Variants in SLMAP observed in about 807,000 individuals in gnomAD.
SLMAP encodes the protein sarcolemmal membrane-associated protein.
Under a neutral mutation model 128.8 loss-of-function variants are expected in SLMAP, and 44 were observed. The ratio of observed to expected loss-of-function variants is 0.34; its 90% confidence interval spans 0.27 to 0.44. The LOEUF is 0.44. SLMAP is among the 20% of genes least tolerant of loss of function. The probability of loss-of-function intolerance (pLI) is 1.00; values close to 1 mark genes in which losing one functional copy is unlikely to be tolerated. For synonymous variants in SLMAP, 327 were observed against 348.8 expected (o/e 0.94, Z 0.70); for missense variants, 787 against 985.3 (o/e 0.80, Z 2.69).
At chr3:57,903,235 T>G (rs1184000926) in intron 17 of SLMAP, among the ~76,000 whole-genome samples, 1 of 152,194 alleles carries the variant, frequency 6.6e-6, no homozygotes, top group Admixed American at 6.5e-5. Flanking sequence ...GGCTGCTACC[T>G]TAAGCTATTT....
chr3:57,907,817 C>T, intron 17 of SLMAP, 67 bp from the exon 18 acceptor site: 6 of 1,444,478 alleles, frequency 4.2e-6, no homozygotes, highest in East Asian at 2.4e-5. Flanking sequence ...GAGAGATTAC[C>T]AGTCTTTTAT....
rs530591731 is a variant in SLMAP, at chr3:57,803,750, A to G, written c.199-27633A>G. 4.6e-5 allele frequency among the ~76,000 whole-genome samples: 7 copies of G among 152,294 alleles called. No homozygotes were observed. In the South Asian group the frequency reaches 8.3e-4, roughly 18 times the overall value. On this transcript the variant is annotated intron_variant, in intron 2 of 24. Transcript: ENST00000671191. ...TTTTCTTTTTGGGCCAGAGAGCTGC[A>G]TGCTTGCTCTGCTGTGTTTTGAATC...
At chr3:57,817,464 G>T (rs191129576) in intron 2 of SLMAP, among the ~76,000 whole-genome samples, 1 of 152,210 alleles carries the variant, frequency 6.6e-6, no homozygotes, top group Non-Finnish European at 1.5e-5. Flanking sequence ...GGTTGTAGAT[G>T]TTACAGTCAT....
At chr3:57,894,808 G>A (rs1003722467) in intron 15 of SLMAP, among the ~76,000 whole-genome samples, 2 of 152,160 alleles carry the variant, frequency 1.3e-5, no homozygotes, top group African/African-American at 2.4e-5. Flanking sequence ...ACATAATGCA[G>A]GCATGTATTA....
intron 3 of SLMAP, among the ~76,000 whole-genome samples, chr3:57,832,891 G>T (rs549986067): frequency 6.6e-6 from 1 of 152,242 alleles, no homozygotes; most frequent in East Asian, 1.9e-4. Flanking sequence ...TTTTGGTAAA[G>T]AATATTGACA....
intron 14 of SLMAP, among the ~76,000 whole-genome samples, chr3:57,883,815 G>A (rs964574134): frequency 6.6e-6 from 1 of 152,128 alleles, no homozygotes; most frequent in Non-Finnish European, 1.5e-5. Flanking sequence ...CTGTGGCTAA[G>A]GGGCACTTAA....
intron 14 of SLMAP, among the ~76,000 whole-genome samples, chr3:57,884,589 C>G (rs1000054794): frequency 6.6e-6 from 1 of 152,108 alleles, no homozygotes; most frequent in Non-Finnish European, 1.5e-5. Flanking sequence ...GGGCAGATTG[C>G]TTGAGCTCAG....
At chr3:57,908,699 G>A (rs1576204664) in intron 18 of SLMAP, among the ~76,000 whole-genome samples, 1 of 152,138 alleles carries the variant, frequency 6.6e-6, no homozygotes, top group Non-Finnish European at 1.5e-5. Context: ...TTGGTAAATA[G>A]CAATTATTTA....
intron 2 of SLMAP, among the ~76,000 whole-genome samples, chr3:57,829,385 C>T (rs2093175298): frequency 6.6e-6 from 1 of 151,842 alleles, no homozygotes; most frequent in African/African-American, 2.4e-5. Context: ...ATCATATAAT[C>T]CCCTTATTTA....
At position 57,843,053 on chromosome 3, in the gene SLMAP, A is replaced by G. The variant is rs530389133; in HGVS notation, c.419+1682A>G. Among the ~76,000 whole-genome samples the G allele has an allele frequency of 3.3e-5, 5 of 152,328 alleles. No homozygotes were observed. In the South Asian group the frequency reaches 1.0e-3, roughly 32 times the overall value. On this transcript the variant is annotated intron_variant, in intron 4 of 24. Transcript: ENST00000671191. ...TAAAGAACTTGGCATAGTACTTGGC[A>G]TATAATAAGCACACAATAAACTTTA...
At chr3:57,905,929 G>C (rs1487212900) in intron 17 of SLMAP, among the ~76,000 whole-genome samples, 1 of 151,824 alleles carries the variant, frequency 6.6e-6, no homozygotes, top group Non-Finnish European at 1.5e-5. Flanking sequence ...TAGTGCTGAG[G>C]TTGAAAAACT....
Position 57,893,068 on chromosome 3 carries a change from C to CAG in SLMAP, c.1360+2968_1360+2969insAG, listed in dbSNP as rs1366690901. Among the ~76,000 whole-genome samples the CAG allele has an allele frequency of 8.2e-4, 125 of 151,910 alleles. 4 individuals carry two copies. The East Asian group carries it at 0.014, about 18-fold the overall frequency. On this transcript the variant is annotated intron_variant, in intron 15 of 24. Transcript: ENST00000671191. Reference sequence around the variant, plus strand: ...CAGGATGGTCTCGATCTCCTGACCTCTTGATCCGCCCGCCTCGGCCTCCCA... The same window carrying CAG: ...CAGGATGGTCTCGATCTCCTGACCTCAGTTGATCCGCCCGCCTCGGCCTCCCA...
At chr3:57,853,964 T>TATATATAC (rs2094617074) in intron 6 of SLMAP, among the ~76,000 whole-genome samples, 1 of 75,770 alleles carries the variant, frequency 1.3e-5, no homozygotes, top group East Asian at 5.0e-4. Flanking sequence ...ATTATATATA[T>TATATATAC]ATATATATAT....
At chr3:57,768,712 G>A (rs2080214773) in intron 2 of SLMAP, among the ~76,000 whole-genome samples, 1 of 152,110 alleles carries the variant, frequency 6.6e-6, no homozygotes, top group Non-Finnish European at 1.5e-5. Context: ...TCCTGTGAAA[G>A]TATTTCTTAG....
At chr3:57,808,602 C>T (rs543447030) in intron 2 of SLMAP, among the ~76,000 whole-genome samples, 8 of 152,248 alleles carry the variant, frequency 5.3e-5, no homozygotes, top group Admixed American at 1.3e-4. Context: ...AATTTGATTG[C>T]GCTGTGGCCT....
chr3:57,817,558 T>G (rs975906374), intron 2 of SLMAP, among the ~76,000 whole-genome samples: 1 of 152,242 alleles, frequency 6.6e-6, no homozygotes, highest in African/African-American at 2.4e-5. Flanking sequence ...CTTCAAAGAA[T>G]TTGCCATATT....
At chr3:57,867,191 C>A (rs1416398256) in intron 13 of SLMAP, among the ~76,000 whole-genome samples, 1 of 152,034 alleles carries the variant, frequency 6.6e-6, no homozygotes, top group Non-Finnish European at 1.5e-5. Flanking sequence ...AAAAACAAAA[C>A]AAAACAAAAC....
At chr3:57,870,083 C>A (rs2095445535) in intron 13 of SLMAP, among the ~76,000 whole-genome samples, 1 of 151,576 alleles carries the variant, frequency 6.6e-6, no homozygotes, top group Non-Finnish European at 1.5e-5. Flanking sequence ...GTAGGATGTC[C>A]CTCTTTAATA....
chr3:57,862,638 CAAAA>C (rs752561093), intron 10 of SLMAP, among the ~76,000 whole-genome samples: 4 of 96,384 alleles, frequency 4.2e-5, no homozygotes, highest in Admixed American at 1.3e-4. Context: ...CTTCGTCTCA[CAAAA>C]AAAAAAAAAA....
Sources: gnomAD v4.1 joint callset for allele counts (sites outside exome capture counted in the v4.1 genomes callset) on GRCh38, gnomAD v4.1.1 for gene constraint, MANE v1.5 for transcripts, NCBI Gene and HGNC (gene_info 2026-07-23, HGNC 2026-07-21) for gene names.